The following LRRTM4 variants were observed in gnomAD, a reference collection of about 807,000 sequenced individuals.
The protein encoded by LRRTM4 is leucine rich repeat transmembrane neuronal 4.
A neutral mutation model predicts 47.6 loss-of-function variants in LRRTM4; 25 were observed. That is an observed-to-expected ratio of 0.53 (90% CI 0.38 to 0.73). The LOEUF is 0.73. LRRTM4 is among the 30% of genes least tolerant of loss of function. LRRTM4 has a pLI of 0.00. For synonymous variants in LRRTM4, 311 were observed against 269.5 expected (o/e 1.15, Z -1.51); for missense variants, 638 against 713.4 (o/e 0.89, Z 1.20).
intron 3 of LRRTM4, among the ~76,000 whole-genome samples, chr2:76,826,099 T>A (rs548166996): frequency 6.6e-6 from 1 of 151,782 alleles, no homozygotes; most frequent in East Asian, 1.9e-4. Flanking sequence ...AAGGCGAGAT[T>A]GTATATGAGC....
intron 3 of LRRTM4, among the ~76,000 whole-genome samples, chr2:77,312,469 A>G (rs573800655): frequency 1.3e-5 from 2 of 152,306 alleles, no homozygotes; most frequent in African/African-American, 2.4e-5. Flanking sequence ...TTTGAACTTC[A>G]ACTTAAAAAT....
chr2:77,397,007 A>T (rs905140422), intron 3 of LRRTM4, among the ~76,000 whole-genome samples: 1 of 151,900 alleles, frequency 6.6e-6, no homozygotes, highest in African/African-American at 2.4e-5. Context: ...GGCTTGACTC[A>T]TTGATTCACT....
chr2:77,507,999 C>T (rs1342771050), intron 3 of LRRTM4, among the ~76,000 whole-genome samples: 1 of 151,990 alleles, frequency 6.6e-6, no homozygotes, highest in Non-Finnish European at 1.5e-5. Context: ...GATCTGCATA[C>T]GTGGAAGAGT....
intron 3 of LRRTM4, among the ~76,000 whole-genome samples, chr2:76,989,421 A>G (rs534145792): frequency 6.6e-6 from 1 of 152,038 alleles, no homozygotes; most frequent in South Asian, 2.1e-4. Context: ...CAGAAAAATT[A>G]GTAAAAATTT....
chr2:77,403,321 C>A (rs1289188617), intron 3 of LRRTM4, among the ~76,000 whole-genome samples: 1 of 151,862 alleles, frequency 6.6e-6, no homozygotes, highest in African/African-American at 2.4e-5. Flanking sequence ...TCCTACTGAA[C>A]AAATTTTATG....
intron 3 of LRRTM4, among the ~76,000 whole-genome samples, chr2:77,162,357 G>A (rs989868307): frequency 1.4e-4 from 22 of 152,200 alleles, no homozygotes; most frequent in Non-Finnish European, 2.9e-4. Flanking sequence ...CACAGCCCAA[G>A]GAGGCCTGCC....
chr2:77,249,552 T>C (rs548894423), intron 3 of LRRTM4, among the ~76,000 whole-genome samples: 1 of 151,790 alleles, frequency 6.6e-6, no homozygotes, highest in African/African-American at 2.4e-5. Flanking sequence ...AAAAAGCATA[T>C]AAACAGATAT....
At chr2:77,092,475 A>G (rs565769085) in intron 3 of LRRTM4, among the ~76,000 whole-genome samples, 7 of 142,274 alleles carry the variant, frequency 4.9e-5, no homozygotes, top group Admixed American at 4.2e-4. Flanking sequence ...GTGGAAATCT[A>G]TCCTCAAGGA....
chr2:77,353,861 G>C (rs180753089), intron 3 of LRRTM4, among the ~76,000 whole-genome samples: 1 of 152,104 alleles, frequency 6.6e-6, no homozygotes, highest in Non-Finnish European at 1.5e-5. Context: ...TCTTGGCTTC[G>C]CAGGAAAGGA....
In LRRTM4 at chr2:77,437,120, T is replaced by C. The variant is rs183589612; in HGVS notation, c.1551+81198A>G. On this transcript the variant is annotated intron_variant, in intron 3 of 3. Transcript: ENST00000409884. ...CTAAGGGTAGCCATTTTAATTAAGA[T>C]GACCTTTCAATATTGGTCTGTTACA... Among the ~76,000 whole-genome samples, 16 of 152,190 alleles carry C rather than the reference T, an allele frequency of 1.1e-4. 1 individual carries two copies. Among genetic ancestry groups the C allele is most frequent in the Admixed American group, 9.2e-4 (14 of 15,288 alleles).
rs569586947 is a variant in LRRTM4, at chr2:77,308,656, C to T, written c.1551+209662G>A. On this transcript the variant is annotated intron_variant, in intron 3 of 3. Coordinates refer to ENST00000409884, the MANE Select transcript of LRRTM4 (RefSeq NM_001134745.3). ...ACCATTTTATCTCCCCATTTTTCTT[C>T]TATCATTCCCACTTCCTGACATCTA... is the stretch of plus-strand genomic sequence containing the variant. Among the ~76,000 whole-genome samples the T allele has an allele frequency of 5.3e-5, 8 of 152,214 alleles. No individual in the cohort carries two copies. In the South Asian group the frequency reaches 1.5e-3, roughly 28 times the overall value.
intron 3 of LRRTM4, among the ~76,000 whole-genome samples, chr2:76,821,425 TC>T (rs1671050422): frequency 6.6e-6 from 1 of 151,726 alleles, no homozygotes; most frequent in East Asian, 1.9e-4. Flanking sequence ...TAGTTTATTT[TC>T]CTCCTGAGTT....
intron 3 of LRRTM4, among the ~76,000 whole-genome samples, chr2:77,174,217 A>G (rs1222857758): frequency 6.6e-6 from 1 of 152,146 alleles, no homozygotes; most frequent in Non-Finnish European, 1.5e-5. Context: ...GGCTCAGATT[A>G]TCCCTCCCCT....
At chr2:77,495,012 A>G (rs1045946820) in intron 3 of LRRTM4, among the ~76,000 whole-genome samples, 2 of 152,146 alleles carry the variant, frequency 1.3e-5, no homozygotes, top group Non-Finnish European at 2.9e-5. Context: ...GTATCCCATT[A>G]TATGGATACA....
chr2:76,932,600 T>C (rs1674807408), intron 3 of LRRTM4, among the ~76,000 whole-genome samples: 1 of 152,170 alleles, frequency 6.6e-6, no homozygotes, highest in East Asian at 1.9e-4. Context: ...TTCTTGTAAA[T>C]AGAAAAATAT....
rs550283959 is a variant in LRRTM4 at position 77,119,171 on chromosome 2, G to T, written c.1552-370255C>A. ...ATCTATACAATGTATGCTCTCTTTTGTTAGTGGTATACCTACCACCCCCAT... is the reference window on the plus strand; with the variant it reads ...ATCTATACAATGTATGCTCTCTTTTTTTAGTGGTATACCTACCACCCCCAT... On this transcript the variant is annotated intron_variant, in intron 3 of 3. Transcript: ENST00000409884. Among the ~76,000 whole-genome samples, 5 of 151,816 alleles carry T rather than the reference G, an allele frequency of 3.3e-5. No individual in the cohort carries two copies. In the East Asian group the frequency reaches 9.7e-4, roughly 29 times the overall value.
chr2:77,042,631 C>G (rs1261714540), intron 3 of LRRTM4, among the ~76,000 whole-genome samples: 2 of 150,604 alleles, frequency 1.3e-5, no homozygotes. Flanking sequence ...TATAGAAAAT[C>G]TTTATATAAA....
At chr2:76,985,448 AAG>A (rs535478747) in intron 3 of LRRTM4, among the ~76,000 whole-genome samples, 47 of 152,110 alleles carry the variant, frequency 3.1e-4, no homozygotes, top group Admixed American at 7.2e-4. Flanking sequence ...ACAGAGGAAT[AAG>A]AAGCAATAGG....
intron 3 of LRRTM4, among the ~76,000 whole-genome samples, chr2:77,250,405 T>C (rs1483120280): frequency 1.3e-5 from 2 of 152,176 alleles, no homozygotes; most frequent in African/African-American, 4.8e-5. Context: ...TATGCATAGA[T>C]GGAGTAGAGG....
Sources: gnomAD v4.1 joint callset for allele counts (sites outside exome capture counted in the v4.1 genomes callset) on GRCh38, gnomAD v4.1.1 for gene constraint, MANE v1.5 for transcripts, NCBI Gene and HGNC (gene_info 2026-07-23, HGNC 2026-07-21) for gene names.